The following CUL3 variants were observed in gnomAD, a reference collection of about 807,000 sequenced individuals.
The protein encoded by CUL3 is cullin-3.
CUL3 carries 19 observed loss-of-function variants against 89.1 expected under a neutral mutation model. The observed-to-expected ratio is 0.21, with a 90% CI of 0.15 to 0.31. CUL3 has a LOEUF of 0.31. Among genes scored for constraint, CUL3 ranks in the 10% least tolerant of loss-of-function variants. The probability of loss-of-function intolerance (pLI) is 1.00; values close to 1 mark genes in which losing one functional copy is unlikely to be tolerated. For synonymous variants in CUL3, 351 were observed against 308.4 expected, an observed-to-expected ratio of 1.14 and a Z score of -1.45; for missense variants, 469 against 942.3, an observed-to-expected ratio of 0.50 and a Z score of 6.58.
At chr2:224,509,236 C>G (rs76324487) in intron 6 of CUL3, among the ~76,000 whole-genome samples, 237 of 152,056 alleles carry the variant, frequency 1.6e-3, no homozygotes, top group African/African-American at 5.4e-3. Context: ...TTTCTTAAGA[C>G]AGGATCTCCC....
At chr2:224,563,147 T>G (rs748528761) in intron 1 of CUL3, 2 of 433,592 alleles carry the variant, frequency 4.6e-6, no homozygotes, top group Non-Finnish European at 9.4e-6. Context: ...TATACAGATA[T>G]GAGCTAAAAC....
At chr2:224,479,999 C>T (rs1691472981) in intron 14 of CUL3, 1 of 151,294 alleles carries the variant, frequency 6.6e-6, no homozygotes, top group African/African-American at 2.4e-5. Context: ...ACTCTGGAGC[C>T]TAACACAACA....
At position 224,503,646 on chromosome 2, in the gene CUL3, C is replaced by T. The variant is rs766013027; in HGVS notation, c.1377+6G>A. 2 of 1,571,456 alleles carry T rather than the reference C, an allele frequency of 1.3e-6. No individual in the cohort carries two copies. Among genetic ancestry groups the T allele is most frequent in the East Asian group, 2.2e-5 (1 of 44,504 alleles). On this transcript the variant is annotated splice_donor_region_variant and intron_variant, in intron 9 of 15. Transcript: ENST00000264414. ...TGCACTCTATTTCATCTAAAACACA[C>T]CTTACCTTTAACTTAGATATCATGT...
chr2:224,533,123 T>G (rs1693754369), intron 3 of CUL3: 1 of 152,086 alleles, frequency 6.6e-6, no homozygotes, highest in Non-Finnish European at 1.5e-5. Context: ...TGCTGGGCAG[T>G]GTGAAGGGTT....
chr2:224,515,602 A>G (rs919229652), intron 3 of CUL3, among the ~76,000 whole-genome samples: 2 of 152,210 alleles, frequency 1.3e-5, no homozygotes, highest in African/African-American at 4.8e-5. Flanking sequence ...CTTGAACATG[A>G]ATCTACAGGT....
At chr2:224,489,699 T>C (rs1691880593) in intron 13 of CUL3, among the ~76,000 whole-genome samples, 1 of 152,200 alleles carries the variant, frequency 6.6e-6, no homozygotes, top group African/African-American at 2.4e-5. Context: ...TACCATTGAC[T>C]TTCTTCACAG....
chr2:224,580,141 TC>T (rs1175782125), intron 1 of CUL3, among the ~76,000 whole-genome samples: 1 of 152,202 alleles, frequency 6.6e-6, no homozygotes, highest in Non-Finnish European at 1.5e-5. Context: ...TGGTCCTTGT[TC>T]CTCTGCATAC....
chr2:224,536,677 T>C (rs963650418), intron 2 of CUL3, among the ~76,000 whole-genome samples: 3 of 152,224 alleles, frequency 2.0e-5, no homozygotes, highest in Non-Finnish European at 4.4e-5. Flanking sequence ...GCCTGAAATG[T>C]CTTTCCAATC....
At chr2:224,493,886 C>T (rs1392441252) in intron 13 of CUL3, among the ~76,000 whole-genome samples, 1 of 152,090 alleles carries the variant, frequency 6.6e-6, no homozygotes, top group Non-Finnish European at 1.5e-5. Context: ...GTAAGGTACT[C>T]AACGCTTGCT....
Position 224,478,406 on chromosome 2 carries a change from GCTT to G in CUL3, c.2030-64_2030-62del, listed in dbSNP as rs1459724338. The G allele has an allele frequency of 2.6e-6, 4 of 1,523,722 alleles. No homozygotes were observed. In the East Asian group the frequency reaches 7.0e-5, roughly 27 times the overall value. The allele number at this position is 1,523,722 out of a possible 1,614,324, so 94.4% of individuals were successfully genotyped here. ...ATTTTAAAATTTGGTTTATAAGCAAGCTTATTATAATTCAATGTAATCCACAGA... is the reference window on the plus strand; with the variant it reads ...ATTTTAAAATTTGGTTTATAAGCAAGATTATAATTCAATGTAATCCACAGA... On this transcript the variant is annotated intron_variant, in intron 14 of 15. Coordinates refer to ENST00000264414, the MANE Select transcript of CUL3 (RefSeq NM_003590.5).
chr2:224,500,865 C>T (rs947441780), intron 10 of CUL3, among the ~76,000 whole-genome samples: 1 of 152,074 alleles, frequency 6.6e-6, no homozygotes, highest in Non-Finnish European at 1.5e-5. Context: ...CTCAGATGAT[C>T]TGCCCGTCTC....
intron 13 of CUL3, chr2:224,495,009 G>A (rs1692114390): frequency 6.6e-6 from 1 of 151,252 alleles, no homozygotes; most frequent in African/African-American, 2.4e-5. Flanking sequence ...CTTGTATCCA[G>A]AATTTATAAA....
In CUL3 at chr2:224,543,443, A is replaced by G. The variant is rs146933840; in HGVS notation, c.265-7802T>C. 9.4e-4 allele frequency among the ~76,000 whole-genome samples: 143 copies of G among 152,364 alleles called. No homozygotes were observed. The East Asian group carries it at 0.025, about 26-fold the overall frequency. ...CAATAACTCAAAGGTATGTCATTCTATAAATCTATAGTATTTTAACATTCA... is the reference window on the plus strand; with the variant it reads ...CAATAACTCAAAGGTATGTCATTCTGTAAATCTATAGTATTTTAACATTCA... On this transcript the variant is annotated intron_variant, in intron 2 of 15. Transcript: ENST00000264414.
intron 2 of CUL3, among the ~76,000 whole-genome samples, chr2:224,554,648 G>C (rs1694637492): frequency 6.6e-6 from 1 of 152,146 alleles, no homozygotes; most frequent in African/African-American, 2.4e-5. Flanking sequence ...GCAACATTGG[G>C]CTGTGACTGT....
At chr2:224,475,169 C>T (rs551596586) in intron 15 of CUL3, among the ~76,000 whole-genome samples, 1 of 152,130 alleles carries the variant, frequency 6.6e-6, no homozygotes, top group South Asian at 2.1e-4. Context: ...AGGCGCCCAC[C>T]ACCACACCCG....
intron 2 of CUL3, among the ~76,000 whole-genome samples, chr2:224,552,688 G>A (rs1208259898): frequency 6.6e-6 from 1 of 152,118 alleles, no homozygotes; most frequent in Non-Finnish European, 1.5e-5. Context: ...CTCAATCCAT[G>A]TAAAAATTAT....
intron 13 of CUL3, among the ~76,000 whole-genome samples, chr2:224,486,340 C>A (rs1311565419): frequency 6.6e-6 from 1 of 151,998 alleles, no homozygotes; most frequent in Non-Finnish European, 1.5e-5. Flanking sequence ...ATGTTCTAAC[C>A]CTAAGAAGCT....
intron 3 of CUL3, among the ~76,000 whole-genome samples, chr2:224,526,607 A>G (rs866986789): frequency 4.1e-4 from 62 of 150,884 alleles, no homozygotes; most frequent in East Asian, 9.7e-4. Flanking sequence ...AAAAAAAAAA[A>G]AAAAGAAAAG....
At chr2:224,565,838 T>C (rs1695028900) in intron 1 of CUL3, among the ~76,000 whole-genome samples, 1 of 152,202 alleles carries the variant, frequency 6.6e-6, no homozygotes, top group African/African-American at 2.4e-5. Flanking sequence ...CTGTTGTAAA[T>C]CTTGGGAAGT....
Sources: allele counts gnomAD v4.1 joint callset (sites outside exome capture counted in the v4.1 genomes callset), GRCh38; gene constraint gnomAD v4.1.1; transcripts MANE v1.5; gene names NCBI Gene and HGNC (gene_info 2026-07-23, HGNC 2026-07-21).